FBXL17: variants seen among roughly 807,000 people sequenced by gnomAD.
The protein encoded by FBXL17 is F-box/LRR-repeat protein 17.
A neutral mutation model predicts 66.2 loss-of-function variants in FBXL17; 22 were observed. The observed-to-expected ratio is 0.33, with a 90% CI of 0.24 to 0.47. The LOEUF (loss-of-function observed/expected upper bound fraction) is 0.47. Among genes scored for constraint, FBXL17 ranks in the 20% least tolerant of loss-of-function variants. The probability of loss-of-function intolerance (pLI) is 1.00; values close to 1 mark genes in which losing one functional copy is unlikely to be tolerated. For missense variants in FBXL17, 878 were observed against 948.2 expected, an observed-to-expected ratio of 0.93 and a Z score of 0.97; for synonymous variants, 474 against 400.5, an observed-to-expected ratio of 1.18 and a Z score of -2.19.
chr5:108,239,680 C>A (rs922996339), intron 4 of FBXL17, among the ~76,000 whole-genome samples: 2 of 152,042 alleles, frequency 1.3e-5, no homozygotes, highest in Non-Finnish European at 2.9e-5. Flanking sequence ...TCACAGCCAG[C>A]GAAACTGAAG....
chr5:107,989,689 C>T (rs867948985), intron 7 of FBXL17, among the ~76,000 whole-genome samples: 6 of 151,974 alleles, frequency 3.9e-5, no homozygotes, highest in African/African-American at 7.2e-5. Context: ...GGTAGTTCTA[C>T]GTTTAGTTTT....
intron 6 of FBXL17, among the ~76,000 whole-genome samples, chr5:108,068,300 A>G (rs1748189809): frequency 1.3e-5 from 2 of 152,210 alleles, no homozygotes; most frequent in Admixed American, 6.5e-5. Flanking sequence ...ATATTTTGAC[A>G]TACTTATTCT....
chr5:107,953,350 C>T (rs1706462007), intron 7 of FBXL17, among the ~76,000 whole-genome samples: 1 of 147,740 alleles, frequency 6.8e-6, no homozygotes, highest in South Asian at 2.2e-4. Flanking sequence ...TTGCAGTGAG[C>T]CGAGATCTCA....
At chr5:108,339,925 A>G (rs190473868) in intron 4 of FBXL17, among the ~76,000 whole-genome samples, 155 of 152,266 alleles carry the variant, frequency 1.0e-3, no homozygotes, top group African/African-American at 3.5e-3. Flanking sequence ...TGCTAAACTA[A>G]TATAATTAAG....
chr5:107,956,712 C>T (rs1008907936), intron 7 of FBXL17, among the ~76,000 whole-genome samples: 3 of 152,084 alleles, frequency 2.0e-5, no homozygotes, highest in African/African-American at 7.2e-5. Flanking sequence ...GAATGTACCT[C>T]AGAACAGCAG....
chr5:108,219,803 T>A (rs1307212833), intron 5 of FBXL17, among the ~76,000 whole-genome samples: 1 of 152,152 alleles, frequency 6.6e-6, no homozygotes, highest in Non-Finnish European at 1.5e-5. Context: ...TTTTTTTTGA[T>A]CAGTGTGACT....
At chr5:108,022,731 G>A (rs990153965) in intron 6 of FBXL17, among the ~76,000 whole-genome samples, 2 of 151,950 alleles carry the variant, frequency 1.3e-5, no homozygotes, top group African/African-American at 4.8e-5. Context: ...TATGCTATAA[G>A]CACATATGAA....
chr5:108,112,547 G>A (rs925745322), intron 6 of FBXL17, among the ~76,000 whole-genome samples: 6 of 152,134 alleles, frequency 3.9e-5, no homozygotes, highest in Non-Finnish European at 7.3e-5. Context: ...TATTCACAAC[G>A]TTGGTCATCT....
chr5:108,278,623 T>C (rs143637506), intron 4 of FBXL17, among the ~76,000 whole-genome samples: 92 of 152,270 alleles, frequency 6.0e-4, no homozygotes, highest in Admixed American at 1.3e-3. Flanking sequence ...CCAGGTCTGA[T>C]AGAACAGCCA....
chr5:108,308,467 T>C (rs1052433195), intron 4 of FBXL17, among the ~76,000 whole-genome samples: 1 of 152,126 alleles, frequency 6.6e-6, no homozygotes, highest in Non-Finnish European at 1.5e-5. Context: ...ACCAGTACTA[T>C]CGTCTTACCA....
intron 6 of FBXL17, among the ~76,000 whole-genome samples, chr5:108,074,960 T>C (rs1227670025): frequency 6.6e-6 from 1 of 152,210 alleles, no homozygotes; most frequent in Non-Finnish European, 1.5e-5. Flanking sequence ...TAGAGAAATG[T>C]CTTTGTAGCA....
At chr5:108,136,056 G>C (rs1751121325) in intron 6 of FBXL17, among the ~76,000 whole-genome samples, 1 of 152,038 alleles carries the variant, frequency 6.6e-6, no homozygotes, top group Non-Finnish European at 1.5e-5. Flanking sequence ...TTTTGGGGGA[G>C]AAACAACATA....
At chr5:108,290,143 G>A (rs1758052277) in intron 4 of FBXL17, among the ~76,000 whole-genome samples, 1 of 152,116 alleles carries the variant, frequency 6.6e-6, no homozygotes, top group Non-Finnish European at 1.5e-5. Context: ...ATGATGGTGT[G>A]TCAGTTTAAC....
At chr5:108,077,887 G>C (rs1287767762) in intron 6 of FBXL17, among the ~76,000 whole-genome samples, 2 of 152,070 alleles carry the variant, frequency 1.3e-5, no homozygotes, top group African/African-American at 2.4e-5. Context: ...TTAAAGCCCT[G>C]AAAATGGAAG....
intron 4 of FBXL17, among the ~76,000 whole-genome samples, chr5:108,296,939 A>T (rs1210279007): frequency 6.6e-6 from 1 of 151,480 alleles, no homozygotes; most frequent in African/African-American, 2.4e-5. Flanking sequence ...GCTCAATTAG[A>T]TAATATACTT....
intron 6 of FBXL17, among the ~76,000 whole-genome samples, chr5:108,182,917 T>G (rs1015938168): frequency 2.0e-5 from 3 of 152,158 alleles, no homozygotes; most frequent in Admixed American, 1.3e-4. Context: ...CAACGAAGTA[T>G]AGACCGTATC....
intron 4 of FBXL17, among the ~76,000 whole-genome samples, chr5:108,309,468 G>T (rs1161475901): frequency 1.3e-5 from 2 of 151,500 alleles, no homozygotes; most frequent in African/African-American, 4.8e-5. Context: ...AAAAACAAAG[G>T]AAACAATCAA....
rs1753893276 is a variant in FBXL17, at chr5:108,005,588, A to G, written c.1822+15337T>C. On this transcript the variant is annotated intron_variant, in intron 7 of 8. Transcript: ENST00000542267. The stretch of plus-strand genomic sequence containing the variant: ...AAATCTGACCTTTGGTTAACTTCCC[A>G]GATCTGTTCTCTGGCAATTCTAAAA... Among the ~76,000 whole-genome samples, 3 of 152,204 alleles carry G rather than the reference A, an allele frequency of 2.0e-5. 1 individual carries two copies. Among genetic ancestry groups the G allele is most frequent in the South Asian group, 4.1e-4 (2 of 4,832 alleles).
At chr5:107,901,847 A>AT in intron 7 of FBXL17, among the ~76,000 whole-genome samples, 1 of 152,204 alleles carries the variant, frequency 6.6e-6, no homozygotes, top group Non-Finnish European at 1.5e-5. Context: ...GGGAATACTG[A>AT]AATGCCCTCC....
Sources: allele counts gnomAD v4.1 joint callset (sites outside exome capture counted in the v4.1 genomes callset), GRCh38; gene constraint gnomAD v4.1.1; transcripts MANE v1.5; gene names NCBI Gene and HGNC (gene_info 2026-07-23, HGNC 2026-07-21).